The following TASP1 variants were observed in gnomAD, a reference collection of about 807,000 sequenced individuals.
TASP1 encodes the protein taspase 1.
A neutral mutation model predicts 56.6 loss-of-function variants in TASP1; 16 were observed. The observed-to-expected ratio is 0.28, with a 90% CI of 0.19 to 0.43. The LOEUF is 0.43. Ranked by LOEUF, TASP1 falls within the 20% of genes least tolerant of loss-of-function variation. The pLI is 1.00. For synonymous variants in TASP1, 179 were observed against 184.2 expected (o/e 0.97, Z 0.23); for missense variants, 393 against 511.6 (o/e 0.77, Z 2.24).
the TASP1 span, among the ~76,000 whole-genome samples, chr20:13,128,923 C>G: frequency 2.7e-4 from 39 of 146,204 alleles, no homozygotes; most frequent in African/African-American, 1.0e-3. Context: ...GTCACCCAAG[C>G]TGGAGTACAA....
At chr20:13,340,489 C>CT in the TASP1 span, among the ~76,000 whole-genome samples, 746 of 142,980 alleles carry the variant, frequency 5.2e-3, 3 homozygotes, top group South Asian at 0.015. Flanking sequence ...AGTGTGTTTG[C>CT]TTTTTTTTTT....
chr20:13,377,239 T>A, the TASP1 span, among the ~76,000 whole-genome samples: 2 of 152,248 alleles, frequency 1.3e-5, no homozygotes, highest in Non-Finnish European at 2.9e-5. Context: ...TATTTTGAGA[T>A]ACATTCCATC....
At chr20:13,216,172 T>C in the TASP1 span, among the ~76,000 whole-genome samples, 1 of 152,182 alleles carries the variant, frequency 6.6e-6, no homozygotes, top group African/African-American at 2.4e-5. Context: ...TGGAGTCCTG[T>C]ATCGATCAGA....
At chr20:13,522,163 A>G (rs1317116651) in intron 10 of TASP1, among the ~76,000 whole-genome samples, 11 of 152,186 alleles carry the variant, frequency 7.2e-5, no homozygotes. Flanking sequence ...GCTGGGAAGT[A>G]TCTCCAACAA....
the TASP1 span, among the ~76,000 whole-genome samples, chr20:13,235,525 A>G: frequency 6.6e-6 from 1 of 152,220 alleles, no homozygotes; most frequent in East Asian, 1.9e-4. Flanking sequence ...CTGTGTGGCC[A>G]GAGTCAGGCC....
chr20:13,555,702 A>C (rs983425417), intron 8 of TASP1, among the ~76,000 whole-genome samples: 4 of 152,140 alleles, frequency 2.6e-5, no homozygotes, highest in Admixed American at 2.0e-4. Flanking sequence ...TGATATTTTG[A>C]CTTTCTCCCA....
intron 1 of TASP1, among the ~76,000 whole-genome samples, chr20:13,631,667 C>T (rs2049090686): frequency 6.6e-6 from 1 of 152,168 alleles, no homozygotes; most frequent in East Asian, 1.9e-4. Context: ...TCAGCTAAAA[C>T]GAAAACACAT....
intron 8 of TASP1, among the ~76,000 whole-genome samples, chr20:13,535,857 G>A (rs983644923): frequency 2.2e-4 from 33 of 152,130 alleles, no homozygotes; most frequent in African/African-American, 6.8e-4. Context: ...CTATCTTAGG[G>A]AAGACTTAAC....
the TASP1 span, among the ~76,000 whole-genome samples, chr20:13,115,976 C>T: frequency 6.6e-6 from 1 of 152,172 alleles, no homozygotes; most frequent in Non-Finnish European, 1.5e-5. Context: ...ACAATTTTAA[C>T]AAGCAATTAA....
intron 13 of TASP1, among the ~76,000 whole-genome samples, chr20:13,415,663 C>A (rs2042231056): frequency 6.6e-6 from 1 of 151,148 alleles, no homozygotes; most frequent in African/African-American, 2.4e-5. Flanking sequence ...TAACTGGAGG[C>A]CAAATATCTT....
the TASP1 span, among the ~76,000 whole-genome samples, chr20:13,159,692 A>G: frequency 3.3e-5 from 5 of 152,248 alleles, 1 homozygote; most frequent in South Asian, 1.0e-3. Context: ...GATTTGTTAA[A>G]CCAGAGTCAT....
the TASP1 span, among the ~76,000 whole-genome samples, chr20:13,176,784 T>C: frequency 6.6e-6 from 1 of 152,164 alleles, no homozygotes; most frequent in Admixed American, 6.5e-5. Context: ...AAAATTAATA[T>C]ACAAAAATCA....
At chr20:13,220,407 C>T in the TASP1 span, among the ~76,000 whole-genome samples, 1 of 152,236 alleles carries the variant, frequency 6.6e-6, no homozygotes, top group Admixed American at 6.5e-5. Context: ...CACGCGGGAG[C>T]CCGAGGCTGC....
intron 8 of TASP1, among the ~76,000 whole-genome samples, chr20:13,557,586 T>G (rs1265692804): frequency 7.8e-5 from 11 of 141,354 alleles, no homozygotes; most frequent in Middle Eastern, 3.4e-3. Context: ...TTTTTTTTTT[T>G]TTTTTTTTTT....
the TASP1 span, among the ~76,000 whole-genome samples, chr20:13,365,844 G>A: frequency 9.2e-5 from 14 of 152,152 alleles, no homozygotes; most frequent in East Asian, 5.8e-4. Context: ...GGAGGAGAAC[G>A]GCCTGGGGAT....
At chr20:13,292,494 T>C in the TASP1 span, 2 of 1,339,696 alleles carry the variant, frequency 1.5e-6, no homozygotes, top group East Asian at 2.4e-5. Flanking sequence ...AATCCAAATA[T>C]TGACTTAGTG....
chr20:13,244,041 T>C, the TASP1 span: 1 of 152,218 alleles, frequency 6.6e-6, no homozygotes, highest in Non-Finnish European at 1.5e-5. Context: ...GTGATTCATC[T>C]GCAGGTCAGA....
intron 11 of TASP1, among the ~76,000 whole-genome samples, chr20:13,477,221 C>T (rs2042978587): frequency 6.6e-6 from 1 of 152,088 alleles, no homozygotes; most frequent in African/African-American, 2.4e-5. Context: ...CTACAATTGA[C>T]AGTGATCCTC....
At chr20:13,537,546 A>G (rs2045460528) in intron 8 of TASP1, among the ~76,000 whole-genome samples, 1 of 152,166 alleles carries the variant, frequency 6.6e-6, no homozygotes, top group Non-Finnish European at 1.5e-5. Context: ...AAAACATACA[A>G]TGACTGTTAC....
Sources: allele counts gnomAD v4.1 joint callset (sites outside exome capture counted in the v4.1 genomes callset), GRCh38; gene constraint gnomAD v4.1.1; transcripts MANE v1.5; gene names NCBI Gene and HGNC (gene_info 2026-07-23, HGNC 2026-07-21).